AFG2A: variants seen among roughly 807,000 people sequenced by gnomAD.
The protein encoded by AFG2A is ATPase family gene 2 protein homolog A.
chr4:123,171,960 A>G, the AFG2A span, among the ~76,000 whole-genome samples: 1 of 152,134 alleles, frequency 6.6e-6, no homozygotes, highest in East Asian at 1.9e-4. Context: ...ATTTAATATA[A>G]TAATACTTGT....
At chr4:123,095,710 T>A in the AFG2A span, among the ~76,000 whole-genome samples, 3 of 151,112 alleles carry the variant, frequency 2.0e-5, no homozygotes, top group South Asian at 6.3e-4. Context: ...TAAAACTGAT[T>A]AAAAAAAAAG....
the AFG2A span, among the ~76,000 whole-genome samples, chr4:123,059,464 C>T: frequency 1.3e-5 from 2 of 151,832 alleles, no homozygotes; most frequent in African/African-American, 4.8e-5. Context: ...TCATCCATGT[C>T]CCTACAAAGG....
At chr4:123,155,032 A>G in the AFG2A span, among the ~76,000 whole-genome samples, 2 of 151,466 alleles carry the variant, frequency 1.3e-5, no homozygotes, top group Admixed American at 1.3e-4. Flanking sequence ...TGATCTGTGA[A>G]CATTCTCTTG....
At chr4:123,035,948 T>G in the AFG2A span, among the ~76,000 whole-genome samples, 10 of 152,150 alleles carry the variant, frequency 6.6e-5, no homozygotes, top group Non-Finnish European at 1.5e-4. Context: ...TGGGTTTAAT[T>G]TTTTATTCAT....
chr4:123,310,397 ATCCGTGTTTTCT>A, the AFG2A span, among the ~76,000 whole-genome samples: 1 of 152,180 alleles, frequency 6.6e-6, no homozygotes, highest in Non-Finnish European at 1.5e-5. Context: ...GTTCAATGTA[ATCCGTGTTTTCT>A]TTCTTCCCAC....
chr4:123,055,688 G>A, the AFG2A span, among the ~76,000 whole-genome samples: 4 of 152,184 alleles, frequency 2.6e-5, no homozygotes, highest in African/African-American at 9.7e-5. Flanking sequence ...GTATGTGTTT[G>A]TGCATGCATG....
chr4:123,175,779 C>T, the AFG2A span, among the ~76,000 whole-genome samples: 5 of 152,122 alleles, frequency 3.3e-5, no homozygotes, highest in Admixed American at 1.3e-4. Context: ...TAAAATGCAA[C>T]GGATGCATCC....
the AFG2A span, among the ~76,000 whole-genome samples, chr4:122,992,988 G>GTATGTGTGTGTA: frequency 7.0e-6 from 1 of 142,416 alleles, no homozygotes; most frequent in South Asian, 2.1e-4. Context: ...GTGTGTGTGT[G>GTATGTGTGTGTA]TGTGTATGTA....
the AFG2A span, among the ~76,000 whole-genome samples, chr4:123,250,000 T>C: frequency 6.6e-6 from 1 of 152,170 alleles, no homozygotes; most frequent in African/African-American, 2.4e-5. Flanking sequence ...TATTAAAGTA[T>C]AAAGGCTCAG....
At chr4:123,070,172 GTTTAA>G in the AFG2A span, among the ~76,000 whole-genome samples, 1 of 152,060 alleles carries the variant, frequency 6.6e-6, no homozygotes, top group African/African-American at 2.4e-5. Context: ...ACACCCGTTA[GTTTAA>G]TTTATAACTT....
At chr4:123,248,997 T>A in the AFG2A span, among the ~76,000 whole-genome samples, 1 of 152,190 alleles carries the variant, frequency 6.6e-6, no homozygotes, top group Non-Finnish European at 1.5e-5. Context: ...ATTATATCAA[T>A]ATAGATATAA....
the AFG2A span, among the ~76,000 whole-genome samples, chr4:123,157,529 T>G: frequency 3.3e-5 from 5 of 152,190 alleles, no homozygotes; most frequent in Non-Finnish European, 7.3e-5. Flanking sequence ...AGGTTATTGT[T>G]TTATATAAAA....
the AFG2A span, among the ~76,000 whole-genome samples, chr4:123,060,048 G>T: frequency 6.6e-6 from 1 of 152,198 alleles, no homozygotes; most frequent in East Asian, 1.9e-4. Context: ...GCTTCAAAAT[G>T]ATCTCCTTTG....
chr4:123,263,502 C>T, the AFG2A span, among the ~76,000 whole-genome samples: 2 of 152,104 alleles, frequency 1.3e-5, no homozygotes, highest in Non-Finnish European at 2.9e-5. Context: ...ATATAAACTA[C>T]TTTCTGTAAC....
At chr4:123,171,720 A>G in the AFG2A span, among the ~76,000 whole-genome samples, 4 of 152,142 alleles carry the variant, frequency 2.6e-5, no homozygotes, top group African/African-American at 9.7e-5. Flanking sequence ...AAAGCTCTCA[A>G]TATTTAAATT....
At chr4:123,030,808 A>T in the AFG2A span, among the ~76,000 whole-genome samples, 6 of 152,208 alleles carry the variant, frequency 3.9e-5, no homozygotes, top group Non-Finnish European at 8.8e-5. Flanking sequence ...TTTGCATTAT[A>T]CTTCCCAGTT....
chr4:123,185,751 T>G, the AFG2A span, among the ~76,000 whole-genome samples: 1 of 152,184 alleles, frequency 6.6e-6, no homozygotes, highest in Admixed American at 6.5e-5. Context: ...TCCTGTTCCA[T>G]TGTTATCAAA....
At chr4:122,939,420 T>G in the AFG2A span, among the ~76,000 whole-genome samples, 1 of 152,154 alleles carries the variant, frequency 6.6e-6, no homozygotes, top group African/African-American at 2.4e-5. Context: ...ATATGCTAAT[T>G]ATGGAAGGAA....
the AFG2A span, among the ~76,000 whole-genome samples, chr4:122,971,576 A>G: frequency 6.6e-6 from 1 of 152,134 alleles, no homozygotes; most frequent in Non-Finnish European, 1.5e-5. Context: ...TTACTATACT[A>G]CATAGGACCT....
Sources: allele counts gnomAD v4.1 joint callset (sites outside exome capture counted in the v4.1 genomes callset), GRCh38; gene constraint gnomAD v4.1.1; transcripts MANE v1.5; gene names NCBI Gene and HGNC (gene_info 2026-07-23, HGNC 2026-07-21).